The following CDH18 variants were observed in gnomAD, a reference collection of about 807,000 sequenced individuals.
CDH18 encodes the protein cadherin 18, also known as cadherin-18.
CDH18 carries 31 observed loss-of-function variants against 67.9 expected under a neutral mutation model. The ratio of observed to expected loss-of-function variants is 0.46; its 90% CI spans 0.34 to 0.62. The LOEUF is 0.62. CDH18 is among the 20% of genes least tolerant of loss of function. CDH18 has a pLI of 0.01. For missense variants in CDH18, 890 were observed against 975.5 expected, an observed-to-expected ratio of 0.91 and a Z score of 1.17; for synonymous variants, 362 against 347.2, an observed-to-expected ratio of 1.04 and a Z score of -0.48.
intron 8 of CDH18, among the ~76,000 whole-genome samples, chr5:19,559,530 G>A (rs1739059939): frequency 6.6e-6 from 1 of 151,848 alleles, no homozygotes; most frequent in African/African-American, 2.4e-5. Context: ...ATACCTTAAG[G>A]TAATAAAAGC....
intron 1 of CDH18, among the ~76,000 whole-genome samples, chr5:20,532,440 T>G (rs987961346): frequency 6.6e-6 from 1 of 152,172 alleles, no homozygotes; most frequent in Non-Finnish European, 1.5e-5. Context: ...TATCTTTTTT[T>G]GTACTATCTT....
At chr5:20,308,409 G>A (rs1380297182) in intron 1 of CDH18, among the ~76,000 whole-genome samples, 4 of 151,872 alleles carry the variant, frequency 2.6e-5, no homozygotes, top group South Asian at 2.1e-4. Context: ...CGGGAGTGGC[G>A]GCAGGTGCCT....
chr5:19,925,644 C>A (rs145463545), intron 2 of CDH18, among the ~76,000 whole-genome samples: 1 of 151,968 alleles, frequency 6.6e-6, no homozygotes, highest in Non-Finnish European at 1.5e-5. Flanking sequence ...CCTGCCACCA[C>A]GCATGGTTAA....
intron 2 of CDH18, among the ~76,000 whole-genome samples, chr5:19,860,435 T>TC (rs960347157): frequency 7.0e-6 from 1 of 143,780 alleles, no homozygotes; most frequent in African/African-American, 2.7e-5. Flanking sequence ...TTCTTCTTCT[T>TC]TTTTTTTTTT....
chr5:20,295,867 T>A (rs1264044690), intron 1 of CDH18, among the ~76,000 whole-genome samples: 3 of 99,426 alleles, frequency 3.0e-5, no homozygotes, highest in African/African-American at 1.0e-4. Context: ...TTCTTTCTTT[T>A]TTTTCTTTTT....
chr5:19,518,620 A>G (rs1261463998), intron 10 of CDH18, among the ~76,000 whole-genome samples: 1 of 152,072 alleles, frequency 6.6e-6, no homozygotes, highest in Non-Finnish European at 1.5e-5. Flanking sequence ...ATCCTTCCTG[A>G]CCTTGAACAT....
At chr5:19,722,376 C>T (rs1340243119) in intron 4 of CDH18, among the ~76,000 whole-genome samples, 2 of 151,682 alleles carry the variant, frequency 1.3e-5, no homozygotes, top group Non-Finnish European at 2.9e-5. Context: ...AAGTTCAAAT[C>T]TCATTCCTTT....
At chr5:19,961,884 T>G (rs1796938743) in intron 2 of CDH18, among the ~76,000 whole-genome samples, 1 of 152,210 alleles carries the variant, frequency 6.6e-6, no homozygotes, top group African/African-American at 2.4e-5. Context: ...ATTAGCTTTC[T>G]TTACCTTTTA....
chr5:20,199,466 A>T (rs1192514636), intron 2 of CDH18, among the ~76,000 whole-genome samples: 2 of 152,104 alleles, frequency 1.3e-5, no homozygotes, highest in African/African-American at 4.8e-5. Flanking sequence ...TTATTTACAC[A>T]ATGCCTGTAC....
chr5:19,918,613 C>T (rs1041707378), intron 2 of CDH18, among the ~76,000 whole-genome samples: 1 of 152,012 alleles, frequency 6.6e-6, no homozygotes, highest in African/African-American at 2.4e-5. Context: ...CAAAAATGAA[C>T]CGCAATAATT....
chr5:20,070,743 C>T (rs753081390), intron 2 of CDH18, among the ~76,000 whole-genome samples: 2 of 152,100 alleles, frequency 1.3e-5, no homozygotes, highest in Non-Finnish European at 2.9e-5. Context: ...CTATAAGCTA[C>T]CTTAACACTG....
At chr5:19,613,984 A>C (rs1389089856) in intron 5 of CDH18, among the ~76,000 whole-genome samples, 1 of 152,100 alleles carries the variant, frequency 6.6e-6, no homozygotes, top group Non-Finnish European at 1.5e-5. Context: ...AAATACACCA[A>C]TGACTTTCAA....
At chr5:19,487,019 C>T (rs1431416875) in intron 11 of CDH18, among the ~76,000 whole-genome samples, 1 of 152,050 alleles carries the variant, frequency 6.6e-6, no homozygotes, top group Non-Finnish European at 1.5e-5. Context: ...TTATAGAACA[C>T]TTGGAAGCCA....
chr5:20,376,973 C>T (rs927128593), intron 1 of CDH18, among the ~76,000 whole-genome samples: 2 of 151,076 alleles, frequency 1.3e-5, no homozygotes, highest in Admixed American at 6.6e-5. Flanking sequence ...GCCAAGATCA[C>T]GCTACTGCAC....
At chr5:20,036,811 T>C (rs1007556475) in intron 2 of CDH18, among the ~76,000 whole-genome samples, 1 of 152,096 alleles carries the variant, frequency 6.6e-6, no homozygotes, top group African/African-American at 2.4e-5. Context: ...ATTGGGTGCA[T>C]ATATATTTAG....
chr5:20,440,869 T>C (rs1020143901), intron 1 of CDH18, among the ~76,000 whole-genome samples: 18 of 151,960 alleles, frequency 1.2e-4, no homozygotes, highest in African/African-American at 4.1e-4. Flanking sequence ...AAATCATACA[T>C]AGAATTGTTA....
At chr5:20,116,468 A>G (rs553448761) in intron 2 of CDH18, among the ~76,000 whole-genome samples, 1 of 152,032 alleles carries the variant, frequency 6.6e-6, no homozygotes, top group South Asian at 2.1e-4. Flanking sequence ...GTGAGCTGAG[A>G]TTGCACCACT....
At chr5:19,849,396 T>C (rs1459629158) in intron 2 of CDH18, among the ~76,000 whole-genome samples, 1 of 151,696 alleles carries the variant, frequency 6.6e-6, no homozygotes. Context: ...AAATGTGCAG[T>C]GAATGGGGTT....
At chr5:20,219,827 T>C (rs1741082264) in intron 2 of CDH18, among the ~76,000 whole-genome samples, 1 of 151,674 alleles carries the variant, frequency 6.6e-6, no homozygotes, top group Non-Finnish European at 1.5e-5. Flanking sequence ...AAGGAACATA[T>C]AACACAATAA....
Sources: gnomAD v4.1 joint callset for allele counts (sites outside exome capture counted in the v4.1 genomes callset) on GRCh38, gnomAD v4.1.1 for gene constraint, MANE v1.5 for transcripts, NCBI Gene and HGNC (gene_info 2026-07-23, HGNC 2026-07-21) for gene names.